SYT14: variants seen among roughly 807,000 people sequenced by gnomAD.
The protein encoded by SYT14 is synaptotagmin 14.
SYT14 carries 32 observed loss-of-function variants against 74.2 expected under a neutral mutation model. That is an observed-to-expected ratio of 0.43 (90% CI 0.33 to 0.58). The LOEUF is 0.58. Ranked by LOEUF, SYT14 falls within the 20% of genes least tolerant of loss-of-function variation. The probability of loss-of-function intolerance (pLI) is 0.05; values close to 1 mark genes in which losing one functional copy is unlikely to be tolerated. For synonymous variants in SYT14, 298 were observed against 337.7 expected, an observed-to-expected ratio of 0.88 and a Z score of 1.29; for missense variants, 791 against 981.8, an observed-to-expected ratio of 0.81 and a Z score of 2.60.
chr1:210,096,184 TA>T (rs1018044658), intron 6 of SYT14, among the ~76,000 whole-genome samples: 1 of 152,212 alleles, frequency 6.6e-6, no homozygotes, highest in Non-Finnish European at 1.5e-5. Flanking sequence ...AGTGAAACTT[TA>T]GTTCCAACCC....
intron 2 of SYT14, among the ~76,000 whole-genome samples, chr1:209,973,385 C>T (rs547603810): frequency 3.9e-5 from 6 of 152,124 alleles, no homozygotes; most frequent in East Asian, 1.9e-4. Flanking sequence ...CAACAGACCC[C>T]GGTGTGTGAT....
intron 5 of SYT14, among the ~76,000 whole-genome samples, chr1:210,032,654 T>TAAA (rs34354853): frequency 2.7e-4 from 40 of 145,492 alleles, no homozygotes; most frequent in African/African-American, 7.0e-4. Context: ...TAGTACCCAG[T>TAAA]AAAAAAAAAA....
intron 5 of SYT14, among the ~76,000 whole-genome samples, chr1:210,063,988 G>A (rs1218472454): frequency 6.6e-6 from 1 of 151,822 alleles, no homozygotes; most frequent in Non-Finnish European, 1.5e-5. Flanking sequence ...AGCTGACAAT[G>A]CTTTCATATT....
At chr1:210,130,958 A>G (rs1017817144) in intron 7 of SYT14, among the ~76,000 whole-genome samples, 13 of 152,232 alleles carry the variant, frequency 8.5e-5, no homozygotes, top group African/African-American at 3.1e-4. Flanking sequence ...TGAATCAGAA[A>G]TAATCTTCAA....
chr1:210,070,834 G>A (rs942735983), intron 5 of SYT14, among the ~76,000 whole-genome samples: 2 of 151,640 alleles, frequency 1.3e-5, no homozygotes, highest in African/African-American at 4.8e-5. Flanking sequence ...TCCAGTAGCA[G>A]TCATGAGAGA....
At chr1:209,968,897 C>T (rs1015964395) in intron 2 of SYT14, among the ~76,000 whole-genome samples, 2 of 152,040 alleles carry the variant, frequency 1.3e-5, no homozygotes, top group African/African-American at 4.8e-5. Flanking sequence ...GCCTCCCTTT[C>T]TTCCTCCCCA....
chr1:209,971,649 G>A (rs560857621), intron 2 of SYT14, among the ~76,000 whole-genome samples: 4 of 152,252 alleles, frequency 2.6e-5, no homozygotes, highest in African/African-American at 9.6e-5. Flanking sequence ...TGATCATGCA[G>A]TTTTTGTTCT....
In SYT14 at chr1:210,101,309, T is replaced by G. The variant is rs1476615193; in HGVS notation, c.2034+848T>G. 2.0e-5 allele frequency among the ~76,000 whole-genome samples: 3 copies of G among 152,182 alleles called. No individual in the cohort carries two copies. The East Asian group carries it at 5.8e-4, about 29-fold the overall frequency. On this transcript the variant is annotated intron_variant, in intron 7 of 9. Coordinates refer to ENST00000637265, the Ensembl canonical transcript of SYT14. The stretch of plus-strand genomic sequence containing the variant: ...ATACAAAGCATTTTTAAAATATAAA[T>G]ATACAGATTTTAGAATAGGTTTATA...
exon 7 of SYT14, chr1:210,100,292 A>G: frequency 6.2e-7 from 1 of 1,614,112 alleles, no homozygotes; most frequent in Non-Finnish European, 8.5e-7. Flanking sequence ...AAATTTAATC[A>G]TGTTGAATCT....
chr1:210,160,761 A>G lies in SYT14; in HGVS notation c.2314A>G (p.Met772Val), dbSNP rs1333075104. 1.2e-6 allele frequency: 2 copies of G among 1,613,894 alleles called. No homozygotes were observed. The highest frequency in any genetic ancestry group is 1.6e-4 in the Middle Eastern group (1 of 6,062). ...TGTTAAGTTAACTCTACTGAATTCC[A>G]TGGGTCAAGAGATGTCCAAATGCAA... Residue 772 changes from methionine to valine, a missense_variant, in exon 10 of 10, where the codon ATG becomes GTG. Coordinates refer to ENST00000637265, the Ensembl canonical transcript of SYT14.
intron 2 of SYT14, among the ~76,000 whole-genome samples, chr1:209,990,322 A>G (rs1356467790): frequency 1.3e-5 from 2 of 151,778 alleles, no homozygotes; most frequent in Non-Finnish European, 2.9e-5. Context: ...GAAAATTAGC[A>G]TATCAATGGC....
intron 5 of SYT14, among the ~76,000 whole-genome samples, chr1:210,076,397 A>G (rs2081501383): frequency 6.6e-6 from 1 of 152,196 alleles, no homozygotes; most frequent in South Asian, 2.1e-4. Flanking sequence ...CATTCTCATC[A>G]CACAAAAAAT....
At chr1:210,109,449 G>T (rs139950148) in intron 7 of SYT14, among the ~76,000 whole-genome samples, 1 of 151,848 alleles carries the variant, frequency 6.6e-6, no homozygotes, top group Non-Finnish European at 1.5e-5. Flanking sequence ...ATGGTTGCGC[G>T]CACCTGTAGT....
intron 7 of SYT14, 74 bp downstream of exon 6, chr1:210,100,535 T>C: frequency 6.9e-7 from 1 of 1,453,346 alleles, no homozygotes; most frequent in Non-Finnish European, 9.6e-7. Flanking sequence ...TAAAAATCTT[T>C]AATCAAGCCA....
intron 7 of SYT14, among the ~76,000 whole-genome samples, chr1:210,141,213 A>G (rs2082908521): frequency 6.6e-6 from 1 of 152,148 alleles, no homozygotes; most frequent in Non-Finnish European, 1.5e-5. Flanking sequence ...TTCTTTCAAA[A>G]GTGTCTTGTA....
intron 2 of SYT14, among the ~76,000 whole-genome samples, chr1:209,959,522 G>A (rs1383422160): frequency 6.6e-6 from 1 of 152,122 alleles, no homozygotes; most frequent in African/African-American, 2.4e-5. Flanking sequence ...ATAAAATGTG[G>A]CATATTGACA....
chr1:210,128,650 T>G (rs1017522628), intron 7 of SYT14, among the ~76,000 whole-genome samples: 3 of 152,332 alleles, frequency 2.0e-5, no homozygotes, highest in Middle Eastern at 3.4e-3. Context: ...TCTTATGTCC[T>G]ACAGAATTTC....
At chr1:210,034,729 A>G (rs1169788440) in intron 5 of SYT14, among the ~76,000 whole-genome samples, 5 of 151,724 alleles carry the variant, frequency 3.3e-5, no homozygotes, top group African/African-American at 1.2e-4. Context: ...CATGCAGTAT[A>G]TGACTTTATG....
chr1:210,132,810 A>G lies in SYT14; in HGVS notation c.2035-22911A>G, dbSNP rs935125466. Among the ~76,000 whole-genome samples the G allele has an allele frequency of 2.0e-5, 3 of 152,220 alleles. No homozygotes were observed. The South Asian group carries it at 6.2e-4, about 32-fold the overall frequency. ...CTGTCCATGGTACTGACAAGTCCCTAGCCTCTCTTCTGGATTCTAGCGTAG... is the reference window on the plus strand; with the variant it reads ...CTGTCCATGGTACTGACAAGTCCCTGGCCTCTCTTCTGGATTCTAGCGTAG... On this transcript the variant is annotated intron_variant, in intron 7 of 9. Coordinates refer to ENST00000637265, the Ensembl canonical transcript of SYT14.
Sources: gnomAD v4.1 joint callset for allele counts (sites outside exome capture counted in the v4.1 genomes callset) on GRCh38, gnomAD v4.1.1 for gene constraint, MANE v1.5 for transcripts, NCBI Gene and HGNC (gene_info 2026-07-23, HGNC 2026-07-21) for gene names.